SH2D4A: variants seen among roughly 807,000 people sequenced by gnomAD.
SH2D4A encodes SH2 domain containing 4A.
A neutral mutation model predicts 64.7 loss-of-function variants in SH2D4A; 70 were observed. That is an observed-to-expected ratio of 1.08 (90% CI 0.89 to 1.32). The LOEUF is 1.32. SH2D4A is among the 40% of genes most tolerant of loss of function. The pLI, the probability that SH2D4A is intolerant of heterozygous loss-of-function variation, is 0.00. For synonymous variants in SH2D4A, 268 were observed against 200.7 expected (o/e 1.34, Z -2.83); for missense variants, 706 against 540.1 (o/e 1.31, Z -3.04).
chr8:19,320,379 C>T (rs970152440), intron 2 of SH2D4A, among the ~76,000 whole-genome samples: 1 of 152,026 alleles, frequency 6.6e-6, no homozygotes, highest in East Asian at 1.9e-4. Flanking sequence ...GTCATTGCAG[C>T]ACTTTGGGTG....
intron 8 of SH2D4A, among the ~76,000 whole-genome samples, chr8:19,389,687 T>C (rs1418262866): frequency 6.6e-6 from 1 of 152,156 alleles, no homozygotes; most frequent in Non-Finnish European, 1.5e-5. Flanking sequence ...GGTGAAGATA[T>C]AGGTCACTAA....
chr8:19,347,510 T>A (rs1407250659), intron 4 of SH2D4A, among the ~76,000 whole-genome samples: 2 of 152,230 alleles, frequency 1.3e-5, no homozygotes, highest in Non-Finnish European at 2.9e-5. Flanking sequence ...TGGCAGACTC[T>A]GCCAACTGAA....
At chr8:19,341,183 T>C (rs889543247) in intron 4 of SH2D4A, among the ~76,000 whole-genome samples, 1 of 152,354 alleles carries the variant, frequency 6.6e-6, no homozygotes, top group Admixed American at 6.5e-5. Context: ...CTGTGGTTTC[T>C]GGTGAGAAAG....
intron 4 of SH2D4A, among the ~76,000 whole-genome samples, chr8:19,348,154 G>T (rs1220969413): frequency 6.6e-6 from 1 of 152,066 alleles, no homozygotes. Context: ...GGAGTGCCAC[G>T]GTGCAATAAT....
At position 19,357,257 on chromosome 8, in the gene SH2D4A, C is replaced by T. The variant is rs776061316; in HGVS notation, c.568C>T (p.Arg190Cys). The T allele has an allele frequency of 1.3e-5, 21 of 1,613,668 alleles. No individual in the cohort carries two copies. The highest frequency in any genetic ancestry group is 6.7e-5 in the Admixed American group (4 of 60,000). The change falls in exon 5 of 10, where the codon CGT becomes TGT. Residue 190 changes from arginine to cysteine, a missense_variant. Coordinates refer to ENST00000265807, the MANE Select transcript of SH2D4A (RefSeq NM_022071.4). ...IQQMLADSIN[R>C]MKAYAFHQKK... ...ACAAATGTTGGCAGATTCAATCAAT[C>T]GTATGAAGGCATATGCATTTCACCA... is the stretch of plus-strand genomic sequence containing the variant.
chr8:19,317,303 ATTTTTT>A (rs761621347), intron 1 of SH2D4A, among the ~76,000 whole-genome samples: 12 of 97,372 alleles, frequency 1.2e-4, no homozygotes, highest in Non-Finnish European at 6.1e-5. Flanking sequence ...CAAGACATCC[ATTTTTT>A]TTTTTTTTTT....
chr8:19,332,375 C>G (rs938863079), intron 2 of SH2D4A, among the ~76,000 whole-genome samples: 1 of 152,168 alleles, frequency 6.6e-6, no homozygotes, highest in Non-Finnish European at 1.5e-5. Flanking sequence ...GTGACTCACA[C>G]CTGTAATCCC....
At chr8:19,317,385 G>C (rs1381143376) in intron 1 of SH2D4A, among the ~76,000 whole-genome samples, 1 of 148,478 alleles carries the variant, frequency 6.7e-6, no homozygotes, top group Non-Finnish European at 1.5e-5. Context: ...AAGTGGATCT[G>C]GGAAGGGCGT....
At chr8:19,321,710 T>C (rs2052194889) in intron 2 of SH2D4A, among the ~76,000 whole-genome samples, 1 of 152,152 alleles carries the variant, frequency 6.6e-6, no homozygotes, top group Non-Finnish European at 1.5e-5. Context: ...GTCAGAGTTT[T>C]TCAGATATAA....
intron 4 of SH2D4A, among the ~76,000 whole-genome samples, chr8:19,342,689 T>C (rs1343773808): frequency 6.6e-6 from 1 of 152,222 alleles, no homozygotes; most frequent in Admixed American, 6.5e-5. Context: ...TTCAGGTCCC[T>C]CTTATTATCT....
chr8:19,353,370 T>C (rs938216811), intron 4 of SH2D4A, among the ~76,000 whole-genome samples: 14 of 117,692 alleles, frequency 1.2e-4, no homozygotes, highest in Non-Finnish European at 2.2e-4. Context: ...ATCATCTAGT[T>C]TTTTTTTTTT....
At chr8:19,360,887 C>T in intron 5 of SH2D4A, 1 of 198,884 alleles carries the variant, frequency 5.0e-6, no homozygotes. Flanking sequence ...ATACACTGTG[C>T]CAGGGACTTC....
chr8:19,322,089 G>A (rs889003113), intron 2 of SH2D4A, among the ~76,000 whole-genome samples: 2 of 152,136 alleles, frequency 1.3e-5, no homozygotes, highest in African/African-American at 4.8e-5. Flanking sequence ...AATATATTTT[G>A]CATTAAATTA....
chr8:19,386,795 A>C (rs1265886755), intron 8 of SH2D4A, among the ~76,000 whole-genome samples: 1 of 152,176 alleles, frequency 6.6e-6, no homozygotes, highest in Non-Finnish European at 1.5e-5. Flanking sequence ...TTTTTTTAAA[A>C]AAAAGACAGG....
At chr8:19,321,696 C>A (rs1294354881) in intron 2 of SH2D4A, among the ~76,000 whole-genome samples, 1 of 152,114 alleles carries the variant, frequency 6.6e-6, no homozygotes, top group African/African-American at 2.4e-5. Flanking sequence ...TCTTGGATTC[C>A]CCAGTCAGAG....
chr8:19,317,123 G>A (rs1483012000), intron 1 of SH2D4A, among the ~76,000 whole-genome samples: 7 of 152,234 alleles, frequency 4.6e-5, no homozygotes, highest in Non-Finnish European at 1.0e-4. Context: ...ATCTTCTGCC[G>A]TGTGTGATTT....
chr8:19,334,560 T>A (rs1399690262), intron 3 of SH2D4A, 126 bp from the exon 4 acceptor site: 4 of 1,018,440 alleles, frequency 3.9e-6, no homozygotes, highest in Non-Finnish European at 4.2e-6. Flanking sequence ...GCCCAGCATG[T>A]TAGAAGCACT....
chr8:19,374,750 T>A (rs912731930), intron 8 of SH2D4A, among the ~76,000 whole-genome samples: 7 of 152,064 alleles, frequency 4.6e-5, no homozygotes, highest in African/African-American at 1.7e-4. Flanking sequence ...CAGGATGAGG[T>A]TGCAAGCCTC....
At chr8:19,361,874 C>G (rs2052895368) in intron 6 of SH2D4A, among the ~76,000 whole-genome samples, 2 of 152,102 alleles carry the variant, frequency 1.3e-5, no homozygotes, top group Non-Finnish European at 2.9e-5. Context: ...CACAGGAATA[C>G]CAGGCTGGAT....
Sources: allele counts gnomAD v4.1 joint callset (sites outside exome capture counted in the v4.1 genomes callset), GRCh38; gene constraint gnomAD v4.1.1; transcripts MANE v1.5; gene names NCBI Gene and HGNC (gene_info 2026-07-23, HGNC 2026-07-21).